The following ABCC9 variants were observed in gnomAD, a reference collection of about 807,000 sequenced individuals.
The protein encoded by ABCC9 is ATP binding cassette subfamily C member 9.
A neutral mutation model predicts 188.3 loss-of-function variants in ABCC9; 95 were observed. That is an observed-to-expected ratio of 0.50 (90% confidence interval 0.43 to 0.60). The LOEUF is 0.60. ABCC9 is among the 20% of genes least tolerant of loss of function. The pLI is 0.00. For synonymous variants in ABCC9, 659 were observed against 652.7 expected (o/e 1.01, Z -0.15); for missense variants, 1,102 against 1,876.3 (o/e 0.59, Z 7.62).
intron 22 of ABCC9, among the ~76,000 whole-genome samples, chr12:21,854,556 T>A (rs557372183): frequency 1.2e-4 from 19 of 152,212 alleles, no homozygotes; most frequent in Non-Finnish European, 1.9e-4. Flanking sequence ...ATATTTCAAA[T>A]CTTTCAGACC....
intron 2 of ABCC9, among the ~76,000 whole-genome samples, chr12:21,937,485 C>T (rs1949533683): frequency 6.6e-6 from 1 of 152,126 alleles, no homozygotes; most frequent in Non-Finnish European, 1.5e-5. Context: ...GGCTTCTACT[C>T]TTAGTGAAGT....
At chr12:21,924,043 A>G (rs1176716003) in intron 5 of ABCC9, 8 of 438,440 alleles carry the variant, frequency 1.8e-5, no homozygotes, top group Non-Finnish European at 2.4e-5. Flanking sequence ...ATGAAGTTCT[A>G]GAACAGGCAA....
At chr12:21,818,883 C>G (rs1319797306) in intron 31 of ABCC9, among the ~76,000 whole-genome samples, 1 of 152,014 alleles carries the variant, frequency 6.6e-6, no homozygotes, top group Non-Finnish European at 1.5e-5. Context: ...CTCCAACCTA[C>G]TATTTGAACT....
intron 28 of ABCC9, 147 bp from the exon 29 acceptor site, chr12:21,842,618 T>C (rs899809669): frequency 1.3e-6 from 1 of 785,358 alleles, no homozygotes; most frequent in Non-Finnish European, 2.2e-6. Context: ...AATTCTTCAC[T>C]CACTTCCCAT....
At chr12:21,904,015 C>G (rs1365265978) in intron 12 of ABCC9, among the ~76,000 whole-genome samples, 1 of 152,200 alleles carries the variant, frequency 6.6e-6, no homozygotes, top group Non-Finnish European at 1.5e-5. Flanking sequence ...ATCATGCTAC[C>G]TGACTTCAAA....
intron 31 of ABCC9, among the ~76,000 whole-genome samples, chr12:21,823,656 C>T (rs771153138): frequency 2.6e-5 from 4 of 152,230 alleles, no homozygotes; most frequent in Non-Finnish European, 4.4e-5. Context: ...CTTGGAAAGA[C>T]AGCCTTTAGA....
Position 21,913,072 on chromosome 12 carries a change from G to GAA in ABCC9, c.817-8_817-7dup. On this transcript the variant is annotated splice_region_variant and splice_polypyrimidine_tract_variant and intron_variant, in intron 7 of 39. Transcript: ENST00000261200. ...GGATGATCTGCAACTTTTTTCTGAA[G>GAA]AAAAAAAAAAGAAAAAAAAAACAGA... 26 of 1,292,186 alleles carry GAA rather than the reference G, an allele frequency of 2.0e-5. No individual in the cohort carries two copies. The highest frequency in any genetic ancestry group is 1.0e-4 in the South Asian group (6 of 59,960). The allele number at this position is 1,292,186 out of a possible 1,614,324, so 80.0% of individuals were successfully genotyped here. A position where few individuals can be genotyped will look rare whatever the true frequency, so the allele number is the denominator to read the frequency against.
Position 21,933,794 on chromosome 12 carries a change from A to G in ABCC9, c.272T>C (p.Ile91Thr). The change falls in exon 4 of 40, where the codon ATT becomes ACT. Residue 91 changes from isoleucine (I) to threonine (T), a missense_variant. Physicochemically the swap from Ile to Thr is moderately conservative, Grantham distance 89. Transcript: ENST00000261200. ...TTAGATCACTTACGAGTCTGAAACA[A>G]TGCCTTCTGCTATTTCACAGACATG... ...FVHVCEIAEG[I>T]VSDSRRESRH... The G allele has an allele frequency of 6.2e-7, 1 of 1,613,602 alleles. No homozygotes were observed. Among genetic ancestry groups the G allele is most frequent in the Non-Finnish European group, 8.5e-7 (1 of 1,179,610 alleles).
intron 11 of ABCC9, among the ~76,000 whole-genome samples, chr12:21,906,787 A>G (rs1948068519): frequency 1.3e-5 from 2 of 152,230 alleles, no homozygotes; most frequent in South Asian, 4.1e-4. Flanking sequence ...CATCTTCATA[A>G]CACAGTTATT....
chr12:21,805,146 C>G, intron 39 of ABCC9: 3 of 1,613,846 alleles, frequency 1.9e-6, no homozygotes, highest in Non-Finnish European at 2.5e-6. Context: ...CGGAGAATGA[C>G]AGACTTGGTG....
intron 29 of ABCC9, among the ~76,000 whole-genome samples, chr12:21,839,717 G>T (rs1238781093): frequency 1.3e-5 from 2 of 152,166 alleles, no homozygotes; most frequent in Non-Finnish European, 2.9e-5. Flanking sequence ...GCATTCACCT[G>T]TGAGGGTCAA....
intron 17 of ABCC9, 90 bp from the exon 18 acceptor site, chr12:21,872,820 A>G (rs1019919587): frequency 6.1e-5 from 63 of 1,031,416 alleles, no homozygotes; most frequent in Non-Finnish European, 9.4e-5. Flanking sequence ...CTAATGTTTT[A>G]CAATCAATGG....
intron 31 of ABCC9, among the ~76,000 whole-genome samples, chr12:21,821,752 C>G (rs1311065216): frequency 6.6e-6 from 1 of 151,968 alleles, no homozygotes; most frequent in East Asian, 1.9e-4. Flanking sequence ...AAACTATTTT[C>G]CATTGAATTA....
intron 35 of ABCC9, among the ~76,000 whole-genome samples, chr12:21,813,827 G>T (rs914458221): frequency 2.0e-5 from 3 of 152,110 alleles, no homozygotes; most frequent in African/African-American, 7.2e-5. Flanking sequence ...CAGAGCTGTT[G>T]TGTAGATTAA....
chr12:21,835,344 A>G (rs1944015983), intron 30 of ABCC9, among the ~76,000 whole-genome samples: 1 of 152,196 alleles, frequency 6.6e-6, no homozygotes, highest in African/African-American at 2.4e-5. Flanking sequence ...GTAGCTCCCA[A>G]TCTTGTAGAG....
At chr12:21,867,590 A>G (rs1945841866) in intron 18 of ABCC9, among the ~76,000 whole-genome samples, 1 of 152,154 alleles carries the variant, frequency 6.6e-6, no homozygotes, top group Non-Finnish European at 1.5e-5. Context: ...AAGAAGGGAA[A>G]CTAGATGCTG....
At chr12:21,827,845 G>A (rs1417496693) in intron 31 of ABCC9, among the ~76,000 whole-genome samples, 4 of 152,174 alleles carry the variant, frequency 2.6e-5, no homozygotes, top group Non-Finnish European at 5.9e-5. Flanking sequence ...GACTAATATA[G>A]TTGAGGAGAA....
rs977270008 is a variant in ABCC9 at position 21,798,320 on chromosome 12, A to C, written c.*2724T>G. On this transcript the variant is annotated 3_prime_UTR_variant, in exon 40 of 40. Transcript: ENST00000261200. Reference sequence around the variant, plus strand: ...CCTATTTCTCCACATCCTCTCCAGCACCTGTTGTTTCCTGACTTTTTAATG... The same window carrying C: ...CCTATTTCTCCACATCCTCTCCAGCCCCTGTTGTTTCCTGACTTTTTAATG... 1 of 151,370 alleles carries C rather than the reference A, an allele frequency of 6.6e-6. No homozygotes were observed. Among genetic ancestry groups the C allele is most frequent in the Non-Finnish European group, 1.5e-5 (1 of 67,838 alleles). 9.4% of individuals were successfully genotyped at this position (151,370 alleles called of 1,614,324 possible).
At chr12:21,801,296 C>T (rs766613117) in intron 39 of ABCC9, 115 bp from the exon 40 acceptor site, 16 of 1,377,192 alleles carry the variant, frequency 1.2e-5, no homozygotes, top group Non-Finnish European at 1.6e-5. Flanking sequence ...TGGTGAGTGA[C>T]AAGATGTAGG....
Sources: allele counts gnomAD v4.1 joint callset (sites outside exome capture counted in the v4.1 genomes callset), GRCh38; gene constraint gnomAD v4.1.1; transcripts MANE v1.5; gene names NCBI Gene and HGNC (gene_info 2026-07-23, HGNC 2026-07-21).